Variants in ETV1 observed in about 807,000 individuals in gnomAD.
ETV1 encodes the protein ETS translocation variant 1.
ETV1 carries 27 observed loss-of-function variants against 62.3 expected under a neutral mutation model. The observed-to-expected ratio is 0.43, with a 90% CI of 0.32 to 0.60. ETV1 has a LOEUF of 0.60. ETV1 is among the 20% of genes least tolerant of loss of function. ETV1 has a pLI of 0.06. For synonymous variants in ETV1, 222 were observed against 199.6 expected (o/e 1.11, Z -0.94); for missense variants, 605 against 605.8 (o/e 1.00, Z 0.01).
At chr7:13,955,891 T>G (rs748583727) in intron 6 of ETV1, among the ~76,000 whole-genome samples, 12 of 152,160 alleles carry the variant, frequency 7.9e-5, no homozygotes, top group Non-Finnish European at 1.3e-4. Context: ...TTGGGAGTTC[T>G]GAATCACAAA....
intron 5 of ETV1, chr7:13,986,031 T>C (rs929645136): frequency 1.4e-5 from 15 of 1,076,768 alleles, no homozygotes; most frequent in African/African-American, 1.1e-4. Context: ...ATAACATGAA[T>C]AGTAACACAT....
At position 13,894,514 on chromosome 7, in the gene ETV1, T is replaced by C. The variant is rs913090198; in HGVS notation, c.*1352A>G. Reference sequence around the variant, plus strand: ...TATTCTTTGACGGTTTGTAAATAATTTTCCATATCACCAAAAGTTACAAAA... The same window carrying C: ...TATTCTTTGACGGTTTGTAAATAATCTTCCATATCACCAAAAGTTACAAAA... On this transcript the variant is annotated 3_prime_UTR_variant, in exon 14 of 14. Transcript: ENST00000430479. 1 of 232,810 alleles carries C rather than the reference T, an allele frequency of 4.3e-6. No individual in the cohort carries two copies. The highest frequency in any genetic ancestry group is 1.3e-3 in the Middle Eastern group (1 of 780). 14.4% of individuals were successfully genotyped at this position (232,810 alleles called of 1,614,324 possible).
intron 11 of ETV1, among the ~76,000 whole-genome samples, chr7:13,907,624 G>T (rs989401718): frequency 3.3e-5 from 5 of 152,066 alleles, no homozygotes; most frequent in African/African-American, 1.2e-4. Flanking sequence ...AGGTGGAACT[G>T]CTCACATTGG....
At chr7:13,977,108 A>G (rs1457542961) in intron 6 of ETV1, among the ~76,000 whole-genome samples, 10 of 152,242 alleles carry the variant, frequency 6.6e-5, no homozygotes, top group Admixed American at 6.5e-4. Flanking sequence ...AAACATGTGC[A>G]TGTTCATGGA....
intron 6 of ETV1, among the ~76,000 whole-genome samples, chr7:13,953,962 T>A (rs1344473935): frequency 1.3e-5 from 2 of 152,168 alleles, no homozygotes; most frequent in African/African-American, 4.8e-5. Flanking sequence ...TTTTATTAAA[T>A]CACAAACACA....
At chr7:13,897,020 T>G (rs1781915047) in intron 13 of ETV1, among the ~76,000 whole-genome samples, 1 of 152,288 alleles carries the variant, frequency 6.6e-6, no homozygotes, top group Non-Finnish European at 1.5e-5. Context: ...AGTAGCATAA[T>G]TTATAGGGTA....
chr7:13,911,360 G>A (rs1783550961), intron 9 of ETV1, 53 bp from the exon 10 acceptor site: 2 of 1,223,154 alleles, frequency 1.6e-6, no homozygotes, highest in South Asian at 1.3e-5. Context: ...AAACGCTGCG[G>A]TTATCAATGG....
At chr7:13,985,858 ATTT>A (rs1782501232) in intron 5 of ETV1, among the ~76,000 whole-genome samples, 1 of 152,156 alleles carries the variant, frequency 6.6e-6, no homozygotes. Flanking sequence ...AAGCAATCTC[ATTT>A]TCCTATAAAG....
At chr7:13,907,892 G>A (rs1783137424) in intron 11 of ETV1, 1 of 465,402 alleles carries the variant, frequency 2.1e-6, no homozygotes, top group Non-Finnish European at 4.4e-6. Context: ...GTCAATAGCT[G>A]CTAAAATCAT....
chr7:13,980,084 GAATA>G (rs1781835993), intron 5 of ETV1, among the ~76,000 whole-genome samples: 1 of 152,110 alleles, frequency 6.6e-6, no homozygotes, highest in Non-Finnish European at 1.5e-5. Context: ...TTAACATACT[GAATA>G]AATACTTCAC....
Position 13,895,106 on chromosome 7 carries a change from C to G in ETV1, c.*760G>C, listed in dbSNP as rs1324736651. The G allele has an allele frequency of 4.3e-6, 1 of 233,120 alleles. No homozygotes were observed. The highest frequency in any genetic ancestry group is 8.5e-6 in the Non-Finnish European group (1 of 117,866). The allele number at this position is 233,120 out of a possible 1,614,324, so 14.4% of individuals were successfully genotyped here. A position where few individuals can be genotyped will look rare whatever the true frequency, so the allele number is the denominator to read the frequency against. ...AATGGGCTTCAAAATATTTAAAAGA[C>G]GGTATGATTTGTATCTAAACAGCAA... On this transcript the variant is annotated 3_prime_UTR_variant, in exon 14 of 14. Coordinates refer to ENST00000430479, the MANE Select transcript of ETV1 (RefSeq NM_004956.5).
chr7:13,895,332 A>C lies in ETV1; in HGVS notation c.*534T>G, dbSNP rs1453386369. 1 of 234,182 alleles carries C rather than the reference A, an allele frequency of 4.3e-6. No homozygotes were observed. The highest frequency in any genetic ancestry group is 8.4e-6 in the Non-Finnish European group (1 of 118,488). The allele number at this position is 234,182 out of a possible 1,614,324, so 14.5% of individuals were successfully genotyped here. ...TGCAATCGCTAAATACCTTTTTACA[A>C]GTGGTGCAAAAACAGTCATTTCTAA... On this transcript the variant is annotated 3_prime_UTR_variant, in exon 14 of 14. Coordinates refer to ENST00000430479, the MANE Select transcript of ETV1 (RefSeq NM_004956.5).
At chr7:13,923,004 A>G (rs1040682175) in intron 9 of ETV1, among the ~76,000 whole-genome samples, 16 of 152,230 alleles carry the variant, frequency 1.1e-4, no homozygotes, top group Non-Finnish European at 1.5e-5. Flanking sequence ...ATATTGCTAG[A>G]TGAGTAGTAG....
chr7:13,931,448 A>T (rs1786140232), intron 9 of ETV1, 54 bp downstream of exon 9: 2 of 1,606,670 alleles, frequency 1.2e-6, no homozygotes, highest in Non-Finnish European at 1.7e-6. Flanking sequence ...AACCAATGTG[A>T]CAAGGGAGGT....
In ETV1 at chr7:13,893,410, C is replaced by A. The variant is rs1781513273; in HGVS notation, c.*2456G>T. The A allele has an allele frequency of 4.3e-6, 1 of 230,506 alleles. No individual in the cohort carries two copies. The highest frequency in any genetic ancestry group is 2.2e-5 in the African/African-American group (1 of 45,336). The allele number at this position is 230,506 out of a possible 1,614,324, so 14.3% of individuals were successfully genotyped here. On this transcript the variant is annotated 3_prime_UTR_variant, in exon 14 of 14. Coordinates refer to ENST00000430479, the MANE Select transcript of ETV1 (RefSeq NM_004956.5). ...AGTTTATAATGTAATATTTTCAACC[C>A]TTCTGTATTGGAAATACACTTAATG...
chr7:13,908,577 T>C (rs1332368660), intron 11 of ETV1, among the ~76,000 whole-genome samples: 1 of 152,108 alleles, frequency 6.6e-6, no homozygotes, highest in Non-Finnish European at 1.5e-5. Context: ...ACCAAAAATG[T>C]GATTCCTATA....
chr7:13,931,482 T>G lies in ETV1; in HGVS notation c.802+20A>C, dbSNP rs547271332. On this transcript the variant is annotated intron_variant, in intron 9 of 13. Coordinates refer to ENST00000430479, the MANE Select transcript of ETV1 (RefSeq NM_004956.5). ...GTGAAAAAGTGCCTTGAATGTAATT[T>G]GCGCAGAGCGCAGGCCTACCTGAGT... 6.2e-7 allele frequency: 1 copy of G among 1,613,506 alleles called. No individual in the cohort carries two copies. The highest frequency in any genetic ancestry group is 8.5e-7 in the Non-Finnish European group (1 of 1,179,714).
At chr7:13,982,610 T>C (rs541098810) in intron 5 of ETV1, among the ~76,000 whole-genome samples, 1 of 152,116 alleles carries the variant, frequency 6.6e-6, no homozygotes, top group African/African-American at 2.4e-5. Context: ...AGAGGGGTGA[T>C]AGCCCATCCT....
Position 13,986,641 on chromosome 7 carries a change from C to T in ETV1, c.178G>A (p.Glu60Lys). The change falls in exon 5 of 14, where the codon GAA (glutamate) becomes AAA (lysine). Residue 60 changes from glutamate (E) to lysine (K), a missense_variant. Glu to Lys is a moderately conservative substitution (Grantham distance 56). Coordinates refer to ENST00000430479, the MANE Select transcript of ETV1 (RefSeq NM_004956.5). Reference sequence around the variant, plus strand: ...TTTAAAGCAAATTTTGCCTTACCTTCTGCAAGCCATGTTTCCTGTAATTGA... The same window carrying T: ...TTTAAAGCAAATTTTGCCTTACCTTTTGCAAGCCATGTTTCCTGTAATTGA... ...LSQLQETWLA[E>K]AQVPDNDEQF... The T allele has an allele frequency of 1.9e-6, 3 of 1,612,634 alleles. No individual in the cohort carries two copies. Among genetic ancestry groups the T allele is most frequent in the Non-Finnish European group, 2.5e-6 (3 of 1,179,366 alleles).
Sources: gnomAD v4.1 joint callset for allele counts (sites outside exome capture counted in the v4.1 genomes callset) on GRCh38, gnomAD v4.1.1 for gene constraint, MANE v1.5 for transcripts, NCBI Gene and HGNC (gene_info 2026-07-23, HGNC 2026-07-21) for gene names.